Variants in WDR70 observed in about 807,000 individuals in gnomAD.
WDR70 encodes the protein WD repeat-containing protein 70.
WDR70 carries 53 observed loss-of-function variants against 88.6 expected under a neutral mutation model. The observed-to-expected ratio is 0.60, with a 90% CI of 0.48 to 0.75. WDR70 has a LOEUF of 0.75. Among genes scored for constraint, WDR70 ranks in the 30% least tolerant of loss-of-function variants. WDR70 has a pLI of 0.00. For synonymous variants in WDR70, 280 were observed against 270.0 expected (o/e 1.04, Z -0.36); for missense variants, 610 against 823.2 (o/e 0.74, Z 3.17).
intron 11 of WDR70, among the ~76,000 whole-genome samples, chr5:37,699,400 TATACACACACACAC>T (rs1372478609): frequency 6.8e-6 from 1 of 146,954 alleles, no homozygotes; most frequent in East Asian, 2.0e-4. Flanking sequence ...TGTATATATA[TATACACACACACAC>T]ACACACACAC....
intron 5 of WDR70, among the ~76,000 whole-genome samples, chr5:37,409,567 C>T (rs186488668): frequency 1.3e-3 from 190 of 149,398 alleles, no homozygotes; most frequent in Non-Finnish European, 2.5e-3. Context: ...TGCAGTGGTG[C>T]GATCTCGTCC....
chr5:37,651,585 A>G (rs753722767), intron 10 of WDR70, among the ~76,000 whole-genome samples: 25 of 152,198 alleles, frequency 1.6e-4, no homozygotes, highest in Non-Finnish European at 3.1e-4. Context: ...CCAACAGTGT[A>G]AAAGTGTTCC....
At chr5:37,577,376 A>G (rs1051686352) in intron 9 of WDR70, among the ~76,000 whole-genome samples, 1 of 152,086 alleles carries the variant, frequency 6.6e-6, no homozygotes, top group Non-Finnish European at 1.5e-5. Context: ...TAGCTACTCA[A>G]GAGGCTGAGG....
intron 9 of WDR70, among the ~76,000 whole-genome samples, chr5:37,558,437 G>T (rs774481870): frequency 2.0e-5 from 3 of 151,910 alleles, no homozygotes; most frequent in Non-Finnish European, 4.4e-5. Flanking sequence ...TCCCACTTGG[G>T]CCTCTCAGGT....
intron 10 of WDR70, among the ~76,000 whole-genome samples, chr5:37,645,001 T>C (rs1745195891): frequency 6.6e-6 from 1 of 152,016 alleles, no homozygotes; most frequent in Non-Finnish European, 1.5e-5. Flanking sequence ...TGATCTTTAT[T>C]ATTTCTTTTC....
chr5:37,605,245 T>A lies in WDR70; in HGVS notation c.1092+7T>A. 6.3e-7 allele frequency: 1 copy of A among 1,588,004 alleles called. No individual in the cohort carries two copies. The highest frequency in any genetic ancestry group is 8.6e-7 in the Non-Finnish European group (1 of 1,166,990). On this transcript the variant is annotated splice_region_variant and intron_variant, in intron 10 of 17. Transcript: ENST00000265107. ...CTGGGACCGAAATTTGACTGTAAGT[T>A]AAATCTTTTCTTAGAACATGGCCAC... is the stretch of plus-strand genomic sequence containing the variant.
chr5:37,611,796 T>TAAAAAA (rs77585864), intron 10 of WDR70, among the ~76,000 whole-genome samples: 6,066 of 146,106 alleles, frequency 0.042, 163 homozygotes, highest in Middle Eastern at 0.14. Context: ...TTTTTTTTTT[T>TAAAAAA]AAAAAAAAAC....
chr5:37,597,628 T>C (rs1743742663), intron 9 of WDR70, among the ~76,000 whole-genome samples: 2 of 152,210 alleles, frequency 1.3e-5, no homozygotes, highest in South Asian at 2.1e-4. Flanking sequence ...AGTCCGGCTT[T>C]CTTGGTTTCT....
At chr5:37,523,853 T>A (rs985209050) in intron 9 of WDR70, among the ~76,000 whole-genome samples, 5 of 152,148 alleles carry the variant, frequency 3.3e-5, no homozygotes, top group Non-Finnish European at 5.9e-5. Context: ...CAATAGCTGA[T>A]TCAATCAACT....
intron 5 of WDR70, among the ~76,000 whole-genome samples, chr5:37,415,834 GGTC>G (rs1749721047): frequency 6.6e-6 from 1 of 150,428 alleles, no homozygotes; most frequent in African/African-American, 2.4e-5. Flanking sequence ...TCCCAGACGG[GGTC>G]GCGGCCGGGC....
chr5:37,587,271 G>C (rs908597935), intron 9 of WDR70, among the ~76,000 whole-genome samples: 3 of 151,948 alleles, frequency 2.0e-5, no homozygotes, highest in Non-Finnish European at 2.9e-5. Flanking sequence ...TCTGGTACTT[G>C]CCAATATTTT....
chr5:37,496,247 G>A (rs1168840635), intron 8 of WDR70, among the ~76,000 whole-genome samples: 1 of 152,114 alleles, frequency 6.6e-6, no homozygotes, highest in Non-Finnish European at 1.5e-5. Flanking sequence ...GCCAGCTGCC[G>A]CCACCTGCTA....
At chr5:37,437,075 T>C (rs2112036655) in intron 5 of WDR70, among the ~76,000 whole-genome samples, 1 of 152,278 alleles carries the variant, frequency 6.6e-6, no homozygotes, top group South Asian at 2.1e-4. Flanking sequence ...CTCCTGTCTA[T>C]GATAGCATTC....
Position 37,555,639 on chromosome 5 carries a change from C to T in WDR70, c.917+39049C>T, listed in dbSNP as rs543185003. ...GTTTACCTAAAACTTCACCTTTTCC[C>T]GCTTAACCTTATGCCAGAAGCCCCT... On this transcript the variant is annotated intron_variant, in intron 9 of 17. Coordinates refer to ENST00000265107, the MANE Select transcript of WDR70 (RefSeq NM_018034.4). 7.2e-5 allele frequency among the ~76,000 whole-genome samples: 11 copies of T among 152,290 alleles called. 1 individual carries two copies. The highest frequency in any genetic ancestry group is 6.5e-4 in the Admixed American group (10 of 15,290).
intron 13 of WDR70, among the ~76,000 whole-genome samples, chr5:37,716,325 T>C (rs1287954588): frequency 6.6e-6 from 1 of 152,206 alleles, no homozygotes; most frequent in African/African-American, 2.4e-5. Flanking sequence ...CAGGCATTGA[T>C]TTCTTTTATA....
intron 3 of WDR70, among the ~76,000 whole-genome samples, chr5:37,387,624 A>G (rs1437566449): frequency 6.7e-6 from 1 of 148,906 alleles, no homozygotes; most frequent in Non-Finnish European, 1.5e-5. Context: ...AGTATTCATC[A>G]TTATATGGGA....
At chr5:37,678,573 G>T (rs1342897535) in intron 10 of WDR70, among the ~76,000 whole-genome samples, 2 of 152,146 alleles carry the variant, frequency 1.3e-5, no homozygotes, top group African/African-American at 2.4e-5. Context: ...ACTCTCTTCT[G>T]GCTTGTAGAG....
At chr5:37,666,069 G>A (rs1299390773) in intron 10 of WDR70, among the ~76,000 whole-genome samples, 1 of 152,210 alleles carries the variant, frequency 6.6e-6, no homozygotes, top group Admixed American at 6.5e-5. Flanking sequence ...TTTGAAGGTC[G>A]GCTGCCAGTG....
At chr5:37,479,789 CATT>C (rs779822445) in intron 7 of WDR70, 42 bp from the exon 8 acceptor site, 1 of 1,555,180 alleles carries the variant, frequency 6.4e-7, no homozygotes, top group African/African-American at 1.4e-5. Context: ...AAATTATAAA[CATT>C]GTGCTTAGTA....
Sources: gnomAD v4.1 joint callset for allele counts (sites outside exome capture counted in the v4.1 genomes callset) on GRCh38, gnomAD v4.1.1 for gene constraint, MANE v1.5 for transcripts, NCBI Gene and HGNC (gene_info 2026-07-23, HGNC 2026-07-21) for gene names.